Variants in NBN observed in about 807,000 individuals in gnomAD.
The protein encoded by NBN is nibrin.
NBN carries 88 observed loss-of-function variants against 90.8 expected under a neutral mutation model. The observed-to-expected ratio is 0.97, with a 90% CI of 0.82 to 1.16. The LOEUF (loss-of-function observed/expected upper bound fraction) is 1.16. Ranked by LOEUF, NBN falls within the 50% of genes most tolerant of loss-of-function variation. The pLI, the probability that NBN is intolerant of heterozygous loss-of-function variation, is 0.00. For synonymous variants in NBN, 328 were observed against 295.1 expected (o/e 1.11, Z -1.14); for missense variants, 894 against 869.6 (o/e 1.03, Z -0.35).
intron 11 of NBN, among the ~76,000 whole-genome samples, chr8:89,952,127 A>G (rs1478932959): frequency 6.6e-6 from 1 of 152,170 alleles, no homozygotes; most frequent in African/African-American, 2.4e-5. Context: ...GTAAATTAAT[A>G]CCATGGGAAG....
intron 5 of NBN, among the ~76,000 whole-genome samples, chr8:89,976,607 CG>C (rs953631347): frequency 6.6e-6 from 1 of 152,168 alleles, no homozygotes; most frequent in African/African-American, 2.4e-5. Flanking sequence ...AACAGCTAGT[CG>C]GGACCGCGGC....
chr8:89,950,204 C>T (rs1810384760), intron 11 of NBN, among the ~76,000 whole-genome samples: 1 of 152,150 alleles, frequency 6.6e-6, no homozygotes, highest in African/African-American at 2.4e-5. Context: ...TAGTAGTCAT[C>T]CCTGTGGTAT....
rs756365547 is a variant in NBN at position 89,955,242 on chromosome 8, T to C, written c.1397+41A>G. 1.4e-5 allele frequency: 21 copies of C among 1,530,366 alleles called. No individual in the cohort carries two copies. The South Asian group carries it at 2.4e-4, about 17-fold the overall frequency. 94.8% of individuals were successfully genotyped at this position (1,530,366 alleles called of 1,614,324 possible). On this transcript the variant is annotated intron_variant, in intron 10 of 15. Transcript: ENST00000265433. Reference sequence around the variant, plus strand: ...TCTACAACAGTATAAAAAACTTTCATTTTTTTTTCAGAGACATGAGAGAAG... The same window carrying C: ...TCTACAACAGTATAAAAAACTTTCACTTTTTTTTCAGAGACATGAGAGAAG...
At chr8:89,952,254 G>A (rs1810477472) in intron 11 of NBN, among the ~76,000 whole-genome samples, 1 of 152,182 alleles carries the variant, frequency 6.6e-6, no homozygotes, top group East Asian at 1.9e-4. Flanking sequence ...CTAACCCAAT[G>A]AGGGAACTTA....
intron 4 of NBN, 64 bp from the exon 5 acceptor site, chr8:89,978,387 T>G: frequency 7.1e-7 from 1 of 1,409,062 alleles, no homozygotes; most frequent in Non-Finnish European, 1.0e-6. Context: ...AGAAAAGTTT[T>G]AAGTTATAAA....
chr8:89,953,342 G>A lies in NBN; in HGVS notation c.1747C>T (p.Gln583Ter), dbSNP rs864622143. The A allele has an allele frequency of 1.2e-6, 2 of 1,613,386 alleles. No individual in the cohort carries two copies. Among genetic ancestry groups the A allele is most frequent in the South Asian group, 1.1e-5 (1 of 91,066 alleles). Residue 583 changes from glutamine (Q) to a stop codon, truncating the protein, a stop_gained, in exon 11 of 16, where the codon CAG becomes TAG. Transcript: ENST00000265433. LOFTEE classifies it high-confidence loss of function. ...ELEIDVKVQK[Q>*]EEDVNVRKRP... ...TTTCTAACATTGACATCTTCCTCCT[G>A]TTTTTGAACTTTCACATCAATTTCT...
At chr8:89,972,053 T>C (rs530237012) in intron 5 of NBN, among the ~76,000 whole-genome samples, 1 of 152,232 alleles carries the variant, frequency 6.6e-6, no homozygotes, top group African/African-American at 2.4e-5. Flanking sequence ...ATGATGATGA[T>C]AAGGGGACAA....
intron 11 of NBN, among the ~76,000 whole-genome samples, chr8:89,952,107 C>T (rs965956185): frequency 1.3e-5 from 2 of 152,146 alleles, no homozygotes; most frequent in African/African-American, 4.8e-5. Flanking sequence ...AGCAGAAAGA[C>T]AGACACCTAG....
At chr8:89,970,804 T>G (rs1368079917) in intron 6 of NBN, among the ~76,000 whole-genome samples, 1 of 152,158 alleles carries the variant, frequency 6.6e-6, no homozygotes, top group Non-Finnish European at 1.5e-5. Context: ...CTTATCTGCA[T>G]TTCTCCACTA....
chr8:89,966,589 C>T (rs1811263640), intron 7 of NBN, among the ~76,000 whole-genome samples: 1 of 152,144 alleles, frequency 6.6e-6, no homozygotes, highest in Admixed American at 6.5e-5. Context: ...AGGATAAAAA[C>T]AATTAAAATT....
chr8:89,936,521 A>G (rs920157365), intron 15 of NBN, among the ~76,000 whole-genome samples: 1 of 135,808 alleles, frequency 7.4e-6, no homozygotes, highest in Non-Finnish European at 1.7e-5. Flanking sequence ...GGCAATTATT[A>G]TAATAGGTTT....
chr8:89,953,665 A>G lies in NBN; in HGVS notation c.1424T>C (p.Met475Thr). The stretch of plus-strand genomic sequence containing the variant: ...TATTCTTGCTGATTTGCATGAAGAC[A>G]TTTCTTGATTTTCTTCATCCCTTTC... ...KRERDEENQE[M>T]SSCKSARIET... The change falls in exon 11 of 16, where the codon ATG (methionine) becomes ACG (threonine). Residue 475 changes from methionine (M) to threonine (T), a missense_variant. By Grantham distance (81) the Met-to-Thr change is moderately conservative. Transcript: ENST00000265433. 2 of 1,611,794 alleles carry G rather than the reference A, an allele frequency of 1.2e-6. No homozygotes were observed. Among genetic ancestry groups the G allele is most frequent in the Non-Finnish European group, 1.7e-6 (2 of 1,179,332 alleles).
At chr8:89,939,192 T>C (rs1464446846) in intron 14 of NBN, among the ~76,000 whole-genome samples, 1 of 151,290 alleles carries the variant, frequency 6.6e-6, no homozygotes, top group African/African-American at 2.4e-5. Flanking sequence ...GCAGCAGAGG[T>C]AGAGAAAGAA....
At chr8:89,971,866 C>G (rs1811531917) in intron 5 of NBN, among the ~76,000 whole-genome samples, 13 of 152,152 alleles carry the variant, frequency 8.5e-5, no homozygotes, top group Admixed American at 8.5e-4. Context: ...ACATCTTAAT[C>G]ATCCATGAAA....
intron 11 of NBN, among the ~76,000 whole-genome samples, chr8:89,952,019 G>A (rs917512068): frequency 3.3e-5 from 5 of 152,164 alleles, no homozygotes; most frequent in South Asian, 2.1e-4. Flanking sequence ...CAGCTGGAAA[G>A]GCCTTTACCT....
chr8:89,982,028 A>G, intron 2 of NBN: 6 of 1,003,704 alleles, frequency 6.0e-6, no homozygotes, highest in Non-Finnish European at 8.1e-6. Context: ...CAAAACCTAA[A>G]TAAAACTGAA....
chr8:89,970,358 C>A lies in NBN; in HGVS notation c.896+6G>T, dbSNP rs1811448021. The A allele has an allele frequency of 6.3e-7, 1 of 1,597,908 alleles. No individual in the cohort carries two copies. Among genetic ancestry groups the A allele is most frequent in the African/African-American group, 1.3e-5 (1 of 74,608 alleles). On this transcript the variant is annotated splice_donor_region_variant and intron_variant, in intron 7 of 15. Coordinates refer to ENST00000265433, the MANE Select transcript of NBN (RefSeq NM_002485.5). The stretch of plus-strand genomic sequence containing the variant: ...AGTTTTTTACTAATAAAGAATAATT[C>A]TATACCTTTGGAGCATATCCATTAT...
At chr8:89,938,207 G>A (rs1809777688) in intron 14 of NBN, among the ~76,000 whole-genome samples, 1 of 152,162 alleles carries the variant, frequency 6.6e-6, no homozygotes, top group Admixed American at 6.5e-5. Context: ...CTTAAATACA[G>A]ATAGAGTAAG....
At chr8:89,954,626 AG>A (rs1425667801) in intron 10 of NBN, among the ~76,000 whole-genome samples, 1 of 152,116 alleles carries the variant, frequency 6.6e-6, no homozygotes, top group Non-Finnish European at 1.5e-5. Flanking sequence ...CCTGTGGAAA[AG>A]AAGTAAAGTT....
Sources: allele counts gnomAD v4.1 joint callset (sites outside exome capture counted in the v4.1 genomes callset), GRCh38; gene constraint gnomAD v4.1.1; transcripts MANE v1.5; gene names NCBI Gene and HGNC (gene_info 2026-07-23, HGNC 2026-07-21).